LRRC28: variants seen among roughly 807,000 people sequenced by gnomAD.
The protein encoded by LRRC28 is leucine-rich repeat-containing protein 28.
LRRC28 carries 39 observed loss-of-function variants against 45.7 expected under a neutral mutation model. That is an observed-to-expected ratio of 0.85 (90% CI 0.66 to 1.12). The LOEUF is 1.12. LRRC28 is among the 50% of genes most tolerant of loss of function. The pLI is 0.00. For missense variants in LRRC28, 435 were observed against 438.5 expected, an observed-to-expected ratio of 0.99 and a Z score of 0.07; for synonymous variants, 206 against 178.8, an observed-to-expected ratio of 1.15 and a Z score of -1.22.
intron 9 of LRRC28, among the ~76,000 whole-genome samples, chr15:99,372,124 TC>T (rs1469491261): frequency 6.6e-6 from 1 of 152,236 alleles, no homozygotes; most frequent in Admixed American, 6.5e-5. Context: ...TGGCTTGACT[TC>T]CTGTACGAGT....
chr15:99,293,983 T>G (rs921648718), intron 5 of LRRC28, among the ~76,000 whole-genome samples: 4 of 152,246 alleles, frequency 2.6e-5, no homozygotes, highest in African/African-American at 4.8e-5. Context: ...CTTTTTTCTT[T>G]GAGCACTTTA....
chr15:99,282,111 A>T (rs755875687), intron 3 of LRRC28, among the ~76,000 whole-genome samples: 1 of 141,280 alleles, frequency 7.1e-6, no homozygotes, highest in South Asian at 2.2e-4. Flanking sequence ...AGTTTTTCTT[A>T]TGTGTGTTTG....
intron 2 of LRRC28, chr15:99,258,296 G>C (rs946784840): frequency 5.2e-6 from 8 of 1,532,514 alleles, no homozygotes; most frequent in Non-Finnish European, 7.2e-6. Flanking sequence ...CTGGGAGTCT[G>C]AATCCAATGA....
chr15:99,292,734 T>G (rs2082158197), intron 5 of LRRC28, among the ~76,000 whole-genome samples: 1 of 152,212 alleles, frequency 6.6e-6, no homozygotes, highest in Non-Finnish European at 1.5e-5. Flanking sequence ...GCTTTCAAAG[T>G]TAGACTGATT....
At chr15:99,266,139 A>G (rs1441396983) in intron 2 of LRRC28, among the ~76,000 whole-genome samples, 1 of 152,208 alleles carries the variant, frequency 6.6e-6, no homozygotes, top group Non-Finnish European at 1.5e-5. Flanking sequence ...CACTTAGTGA[A>G]GGAAAGAGAG....
At chr15:99,282,183 T>TTTTTTTTTTTTTTTTTTTTTTTTTTG (rs2081819994) in intron 3 of LRRC28, among the ~76,000 whole-genome samples, 1 of 138,436 alleles carries the variant, frequency 7.2e-6, no homozygotes, top group Admixed American at 7.4e-5. Flanking sequence ...GGAGGTTTTT[T>TTTTTTTTTTTTTTTTTTTTTTTTTTG]TTTTTTTTGT....
chr15:99,306,524 C>T (rs1236429485), intron 5 of LRRC28, among the ~76,000 whole-genome samples: 4 of 152,088 alleles, frequency 2.6e-5, no homozygotes, highest in Non-Finnish European at 4.4e-5. Context: ...TTTTTGTCAA[C>T]GTTTAAAAGC....
intron 5 of LRRC28, among the ~76,000 whole-genome samples, chr15:99,304,637 G>A (rs1955114182): frequency 6.6e-6 from 1 of 151,828 alleles, no homozygotes; most frequent in Admixed American, 6.6e-5. Flanking sequence ...AGTAGAGACG[G>A]GGTTTCACCG....
intron 6 of LRRC28, among the ~76,000 whole-genome samples, chr15:99,345,324 G>C (rs1180525752): frequency 6.6e-6 from 1 of 152,034 alleles, no homozygotes; most frequent in African/African-American, 2.4e-5. Flanking sequence ...ACAAATCTGA[G>C]ACCAGAGATC....
rs542507203 is a variant in LRRC28, at chr15:99,369,175, C to T, written c.1031+5910C>T. Among the ~76,000 whole-genome samples the T allele has an allele frequency of 2.6e-5, 4 of 152,236 alleles. No homozygotes were observed. In the East Asian group the frequency reaches 7.7e-4, roughly 29 times the overall value. On this transcript the variant is annotated intron_variant, in intron 9 of 9. Coordinates refer to ENST00000301981, the MANE Select transcript of LRRC28 (RefSeq NM_144598.5). ...GTTCCTGACAATGTATTTTCTAAGACATTAGAAACTTTATAGCTCCTGCCT... is the reference window on the plus strand; with the variant it reads ...GTTCCTGACAATGTATTTTCTAAGATATTAGAAACTTTATAGCTCCTGCCT...
intron 5 of LRRC28, among the ~76,000 whole-genome samples, chr15:99,314,568 C>G (rs1955528334): frequency 6.6e-6 from 1 of 151,278 alleles, no homozygotes; most frequent in Non-Finnish European, 1.5e-5. Flanking sequence ...TCTGGCACTT[C>G]TATTCTAAAG....
chr15:99,288,446 A>G (rs2082019850), intron 5 of LRRC28, among the ~76,000 whole-genome samples: 1 of 137,014 alleles, frequency 7.3e-6, no homozygotes, highest in African/African-American at 2.9e-5. Context: ...CAGTGGCACA[A>G]TCTCAGCTCA....
intron 5 of LRRC28, among the ~76,000 whole-genome samples, chr15:99,303,119 G>A (rs1955043148): frequency 6.6e-6 from 1 of 152,198 alleles, no homozygotes; most frequent in South Asian, 2.1e-4. Context: ...CAGTGTATGA[G>A]GGTTCCAGTT....
chr15:99,302,716 A>G (rs1396872888), intron 5 of LRRC28, among the ~76,000 whole-genome samples: 3 of 152,184 alleles, frequency 2.0e-5, no homozygotes, highest in Non-Finnish European at 4.4e-5. Flanking sequence ...GTGCCTGTTT[A>G]TTGCTAGCCT....
At chr15:99,383,894 C>T (rs1490522104) in intron 9 of LRRC28, among the ~76,000 whole-genome samples, 1 of 152,116 alleles carries the variant, frequency 6.6e-6, no homozygotes, top group Non-Finnish European at 1.5e-5. Context: ...TGAGTCAAGG[C>T]TTCTGTTAAC....
rs757846389 is a variant in LRRC28, at chr15:99,256,013, A to G, written c.56A>G (p.Asn19Ser). Residue 19 changes from asparagine to serine, a missense_variant, in exon 2 of 10, where the codon AAT becomes AGT. Asn to Ser is a conservative substitution (Grantham distance 46, BLOSUM62 1). Coordinates refer to ENST00000301981, the MANE Select transcript of LRRC28 (RefSeq NM_144598.5). ...GTGGCAAGGCTAGAAAAGCACAAGA[A>G]TTTGTTCTTAAATTATAGGAATCTG... ...ISVARLEKHKNLFLNYRNLHH... is the reference protein window; with the variant it reads ...ISVARLEKHKSLFLNYRNLHH... The G allele has an allele frequency of 2.0e-5, 32 of 1,613,542 alleles. No individual in the cohort carries two copies. The highest frequency in any genetic ancestry group is 2.5e-5 in the Non-Finnish European group (29 of 1,180,004).
At chr15:99,377,894 T>G (rs1957693448) in intron 9 of LRRC28, among the ~76,000 whole-genome samples, 1 of 152,216 alleles carries the variant, frequency 6.6e-6, no homozygotes, top group African/African-American at 2.4e-5. Context: ...TCTGTTCCAT[T>G]GGTCTATAGC....
chr15:99,308,617 G>A (rs1306203556), intron 5 of LRRC28, among the ~76,000 whole-genome samples: 3 of 152,162 alleles, frequency 2.0e-5, no homozygotes, highest in African/African-American at 7.2e-5. Flanking sequence ...AGGTTGCAGT[G>A]ACCTATGAAC....
intron 9 of LRRC28, among the ~76,000 whole-genome samples, chr15:99,374,063 A>AT (rs139180239): frequency 0.025 from 3,839 of 152,072 alleles, 53 homozygotes; most frequent in Non-Finnish European, 0.036. Context: ...CCCTTTCAGG[A>AT]TTTTTTTAGC....
Sources: gnomAD v4.1 joint callset for allele counts (sites outside exome capture counted in the v4.1 genomes callset) on GRCh38, gnomAD v4.1.1 for gene constraint, MANE v1.5 for transcripts, NCBI Gene and HGNC (gene_info 2026-07-23, HGNC 2026-07-21) for gene names.